The following CHST9 variants were observed in gnomAD, a reference collection of about 807,000 sequenced individuals.
CHST9 encodes GalNAc-4-sulfotransferase 2.
In CHST9, 41 loss-of-function variants were observed where a neutral mutation model predicts 44.4. The observed-to-expected ratio is 0.92, with a 90% CI of 0.72 to 1.20. The LOEUF is 1.20. Ranked by LOEUF, CHST9 falls within the 50% of genes most tolerant of loss-of-function variation. The probability of loss-of-function intolerance (pLI) is 0.00; values close to 1 mark genes in which losing one functional copy is unlikely to be tolerated. For missense variants in CHST9, 504 were observed against 516.5 expected, an observed-to-expected ratio of 0.98 and a Z score of 0.23; for synonymous variants, 171 against 178.4, an observed-to-expected ratio of 0.96 and a Z score of 0.33.
chr18:26,947,368 C>A (rs2056179608), intron 4 of CHST9, among the ~76,000 whole-genome samples: 1 of 152,004 alleles, frequency 6.6e-6, no homozygotes, highest in Non-Finnish European at 1.5e-5. Context: ...GACTAAAACA[C>A]CAAAAGCAAT....
intron 2 of CHST9, among the ~76,000 whole-genome samples, chr18:27,050,175 G>A (rs1191857515): frequency 1.3e-5 from 2 of 152,146 alleles, no homozygotes; most frequent in African/African-American, 4.8e-5. Flanking sequence ...CTGAGGACAT[G>A]GCTTCTTGTT....
chr18:27,167,239 T>C (rs1339210998), intron 1 of CHST9, among the ~76,000 whole-genome samples: 1 of 152,170 alleles, frequency 6.6e-6, no homozygotes, highest in Non-Finnish European at 1.5e-5. Context: ...TTTAAACTCT[T>C]CACCTAAAAA....
intron 2 of CHST9, among the ~76,000 whole-genome samples, chr18:27,114,297 TTA>T (rs2058300830): frequency 6.6e-6 from 1 of 152,210 alleles, no homozygotes; most frequent in Non-Finnish European, 1.5e-5. Context: ...GAACTGTACT[TTA>T]TATAGACGAG....
chr18:26,954,159 G>C (rs2056289923), intron 4 of CHST9, among the ~76,000 whole-genome samples: 1 of 152,084 alleles, frequency 6.6e-6, no homozygotes, highest in Non-Finnish European at 1.5e-5. Flanking sequence ...GGGCAGATTT[G>C]GTCATTCAGC....
intron 4 of CHST9, among the ~76,000 whole-genome samples, chr18:27,002,010 A>AT (rs1294678402): frequency 1.3e-5 from 2 of 152,158 alleles, no homozygotes; most frequent in Non-Finnish European, 1.5e-5. Flanking sequence ...CAGAAAGACA[A>AT]TTTTTTAAAG....
At chr18:27,158,024 T>C (rs2058711455) in intron 1 of CHST9, among the ~76,000 whole-genome samples, 1 of 152,060 alleles carries the variant, frequency 6.6e-6, no homozygotes, top group Non-Finnish European at 1.5e-5. Context: ...GGAAATGAAT[T>C]AGAAAAGAAA....
intron 4 of CHST9, among the ~76,000 whole-genome samples, chr18:27,010,523 A>G (rs1454236242): frequency 2.6e-5 from 4 of 152,176 alleles, no homozygotes; most frequent in Non-Finnish European, 2.9e-5. Context: ...CTGCTGCCCT[A>G]CAGCCTCGAA....
chr18:26,948,143 A>T (rs1568104551), intron 4 of CHST9, among the ~76,000 whole-genome samples: 2 of 152,196 alleles, frequency 1.3e-5, no homozygotes, highest in Non-Finnish European at 2.9e-5. Flanking sequence ...AAACTAACAC[A>T]GGAACAGAAA....
intron 2 of CHST9, among the ~76,000 whole-genome samples, chr18:27,065,369 TCAAAA>T (rs1421078330): frequency 6.6e-6 from 1 of 152,162 alleles, no homozygotes; most frequent in Non-Finnish European, 1.5e-5. Context: ...AAGTTTGCTA[TCAAAA>T]CAAAACAAAT....
Position 26,917,184 on chromosome 18 carries a change from C to A in CHST9, c.407G>T (p.Arg136Leu), listed in dbSNP as rs374325307. The change falls in exon 6 of 6, where the codon CGT becomes CTT. Residue 136 changes from arginine to leucine, a missense_variant. Transcript: ENST00000618847. ...GSPTEKLIEK[R>L]QGAKTVFNKF... ...GTTAAAAACAGTCTTAGCTCCTTGA[C>A]GTTTTTCAATCAACTTCTCTGTTGG... The A allele has an allele frequency of 6.2e-7, 1 of 1,613,860 alleles. No individual in the cohort carries two copies. The highest frequency in any genetic ancestry group is 8.5e-7 in the Non-Finnish European group (1 of 1,179,838).
At chr18:26,956,970 C>G (rs2056334088) in intron 4 of CHST9, among the ~76,000 whole-genome samples, 1 of 152,128 alleles carries the variant, frequency 6.6e-6, no homozygotes, top group South Asian at 2.1e-4. Context: ...GCATGGACAG[C>G]TGGTCTTGAG....
chr18:27,167,284 T>A (rs538151402), intron 1 of CHST9, among the ~76,000 whole-genome samples: 61 of 152,310 alleles, frequency 4.0e-4, no homozygotes, highest in African/African-American at 1.4e-3. Context: ...GGAAAACTCT[T>A]ACGTCTGCCT....
At chr18:27,133,114 A>G (rs2058485724) in intron 2 of CHST9, among the ~76,000 whole-genome samples, 1 of 152,212 alleles carries the variant, frequency 6.6e-6, no homozygotes, top group Non-Finnish European at 1.5e-5. Flanking sequence ...TACACTAGGA[A>G]TAACAGGTCT....
intron 2 of CHST9, among the ~76,000 whole-genome samples, chr18:27,061,765 AG>A (rs764290816): frequency 1.3e-5 from 2 of 151,836 alleles, no homozygotes; most frequent in Non-Finnish European, 2.9e-5. Context: ...CAGAAAGAAA[AG>A]GGGACCTACA....
At chr18:26,981,890 T>G (rs1247902286) in intron 4 of CHST9, among the ~76,000 whole-genome samples, 5 of 152,178 alleles carry the variant, frequency 3.3e-5, no homozygotes, top group African/African-American at 9.7e-5. Flanking sequence ...CTAGTTGAAG[T>G]TCTTATCAGC....
chr18:26,938,165 C>A (rs1168535171), intron 5 of CHST9, among the ~76,000 whole-genome samples: 2 of 152,046 alleles, frequency 1.3e-5, no homozygotes, highest in Non-Finnish European at 2.9e-5. Flanking sequence ...AATCTAGATA[C>A]CTTTCCACAG....
chr18:27,152,420 C>T lies in CHST9; in HGVS notation c.-96-9515G>A, dbSNP rs555199956. ...AACCAAAGGCCTTTGTACACATTTG[C>T]ATTAAAGAGTGAAAAAACACAGAGG... On this transcript the variant is annotated intron_variant, in intron 1 of 5. Transcript: ENST00000618847. Among the ~76,000 whole-genome samples, 4 of 151,466 alleles carry T rather than the reference C, an allele frequency of 2.6e-5. No homozygotes were observed. In the South Asian group the frequency reaches 8.5e-4, roughly 32 times the overall value.
At chr18:27,002,503 A>G (rs1481802074) in intron 4 of CHST9, among the ~76,000 whole-genome samples, 1 of 152,190 alleles carries the variant, frequency 6.6e-6, no homozygotes, top group Non-Finnish European at 1.5e-5. Flanking sequence ...TACTCATGTA[A>G]CCATTCTGTT....
At chr18:26,932,886 T>C (rs551403707) in intron 5 of CHST9, 4 of 153,930 alleles carry the variant, frequency 2.6e-5, no homozygotes, top group African/African-American at 9.6e-5. Context: ...ATTCATGTAT[T>C]GCATTTCAGT....
Sources: gnomAD v4.1 joint callset for allele counts (sites outside exome capture counted in the v4.1 genomes callset) on GRCh38, gnomAD v4.1.1 for gene constraint, MANE v1.5 for transcripts, NCBI Gene and HGNC (gene_info 2026-07-23, HGNC 2026-07-21) for gene names.